Variants in ITFG1 observed in about 807,000 individuals in gnomAD.
The protein encoded by ITFG1 is integrin alpha FG-GAP repeat containing 1, also known as T-cell immunomodulatory protein.
In ITFG1, 34 loss-of-function variants were observed where a neutral mutation model predicts 81.8. The ratio of observed to expected loss-of-function variants is 0.42; its 90% CI spans 0.32 to 0.55. The LOEUF (loss-of-function observed/expected upper bound fraction) is 0.55. Ranked by LOEUF, ITFG1 falls within the 20% of genes least tolerant of loss-of-function variation. The pLI is 0.17. For synonymous variants in ITFG1, 285 were observed against 270.6 expected, an observed-to-expected ratio of 1.05 and a Z score of -0.52; for missense variants, 672 against 755.4, an observed-to-expected ratio of 0.89 and a Z score of 1.29.
intron 8 of ITFG1, among the ~76,000 whole-genome samples, chr16:47,354,371 C>T (rs535649229): frequency 1.3e-4 from 20 of 152,036 alleles, no homozygotes; most frequent in South Asian, 1.2e-3. Flanking sequence ...GAAAGTCAAC[C>T]CCCATTTCTC....
intron 10 of ITFG1, among the ~76,000 whole-genome samples, chr16:47,301,211 C>A (rs1429988206): frequency 6.6e-6 from 1 of 152,006 alleles, no homozygotes; most frequent in African/African-American, 2.4e-5. Flanking sequence ...ACAAAGAGTT[C>A]AAGATGATTC....
chr16:47,248,336 A>C (rs1242042044), intron 12 of ITFG1, among the ~76,000 whole-genome samples: 4 of 152,164 alleles, frequency 2.6e-5, no homozygotes, highest in Non-Finnish European at 4.4e-5. Flanking sequence ...AGCTTTTCTA[A>C]AATACTTTTC....
At chr16:47,289,484 T>C (rs1392108972) in intron 10 of ITFG1, among the ~76,000 whole-genome samples, 1 of 152,164 alleles carries the variant, frequency 6.6e-6, no homozygotes, top group Admixed American at 6.5e-5. Context: ...GTCCTGGGCT[T>C]TTCTTTAATG....
chr16:47,348,791 T>C (rs902895865), intron 8 of ITFG1, among the ~76,000 whole-genome samples: 6 of 151,936 alleles, frequency 3.9e-5, no homozygotes, highest in Non-Finnish European at 5.9e-5. Flanking sequence ...AAGGAAAAAA[T>C]GTTCAGGACA....
Position 47,460,825 on chromosome 16 carries a change from G to C in ITFG1, c.208+13C>G. 2 of 1,612,246 alleles carry C rather than the reference G, an allele frequency of 1.2e-6. No homozygotes were observed. Among genetic ancestry groups the C allele is most frequent in the Non-Finnish European group, 1.7e-6 (2 of 1,179,388 alleles). On this transcript the variant is annotated intron_variant, in intron 1 of 17. Transcript: ENST00000320640. ...CGGACAGCGAACAGAGGGAGGGCCC[G>C]GCAAGCACTGACTTTCCCGCAGCAC...
intron 6 of ITFG1, among the ~76,000 whole-genome samples, chr16:47,410,583 C>T (rs1185725814): frequency 1.3e-5 from 2 of 152,040 alleles, no homozygotes; most frequent in East Asian, 3.9e-4. Flanking sequence ...GACAACAGGT[C>T]TGAAGAGGGA....
chr16:47,332,386 A>G (rs1005803527), intron 8 of ITFG1, among the ~76,000 whole-genome samples: 1 of 152,138 alleles, frequency 6.6e-6, no homozygotes, highest in Non-Finnish European at 1.5e-5. Flanking sequence ...AAGGTGCACA[A>G]GGAATTCTAT....
chr16:47,440,760 T>C lies in ITFG1; in HGVS notation c.560+10636A>G, dbSNP rs555466950. Among the ~76,000 whole-genome samples the C allele has an allele frequency of 3.0e-4, 45 of 151,914 alleles. No homozygotes were observed. The South Asian group carries it at 6.5e-3, about 22-fold the overall frequency. ...GAAAGATCTAAAATTGACACCCTAA[T>C]ATCACAATTAAAAGAACTAGAGAAG... On this transcript the variant is annotated intron_variant, in intron 5 of 17. Coordinates refer to ENST00000320640, the MANE Select transcript of ITFG1 (RefSeq NM_030790.5).
At chr16:47,321,944 C>T (rs896510243) in intron 8 of ITFG1, among the ~76,000 whole-genome samples, 11 of 152,092 alleles carry the variant, frequency 7.2e-5, no homozygotes, top group South Asian at 2.1e-4. Context: ...GTATCATCTA[C>T]ATTACTATGT....
chr16:47,163,045 C>T (rs1487679108), intron 14 of ITFG1, among the ~76,000 whole-genome samples: 1 of 152,098 alleles, frequency 6.6e-6, no homozygotes, highest in African/African-American at 2.4e-5. Flanking sequence ...CAAGTGATCC[C>T]CCTGCCTCGG....
At position 47,421,291 on chromosome 16, in the gene ITFG1, CACACACACACACACAT is replaced by C. The variant is rs112803385; in HGVS notation, c.655+7497_655+7512del. On this transcript the variant is annotated intron_variant, in intron 6 of 17. Transcript: ENST00000320640. Reference sequence around the variant, plus strand: ...ATATGCACACACACACACACACACACACACACACACACACATACATATTTTTTTTTTCTGAGATGGA... The same window carrying C: ...ATATGCACACACACACACACACACACACATATTTTTTTTTTCTGAGATGGA... Among the ~76,000 whole-genome samples the C allele has an allele frequency of 5.2e-3, 779 of 150,932 alleles. 10 individuals carry two copies. Among genetic ancestry groups the C allele is most frequent in the African/African-American group, 0.018 (741 of 40,660 alleles).
At chr16:47,266,064 A>AT (rs1163721438) in intron 10 of ITFG1, among the ~76,000 whole-genome samples, 1 of 152,322 alleles carries the variant, frequency 6.6e-6, no homozygotes, top group East Asian at 1.9e-4. Flanking sequence ...CTGAACAGAC[A>AT]TTTTTTCAAG....
At chr16:47,350,701 C>T (rs1317904012) in intron 8 of ITFG1, among the ~76,000 whole-genome samples, 2 of 152,188 alleles carry the variant, frequency 1.3e-5, no homozygotes, top group Admixed American at 1.3e-4. Context: ...GGAATCCTCC[C>T]TAACTCATTT....
intron 6 of ITFG1, among the ~76,000 whole-genome samples, chr16:47,420,237 A>AT (rs548667354): frequency 9.2e-5 from 14 of 151,908 alleles, no homozygotes; most frequent in Admixed American, 5.9e-4. Context: ...AAATTAGTTG[A>AT]TTTTTTTTAT....
intron 10 of ITFG1, among the ~76,000 whole-genome samples, chr16:47,307,100 A>C (rs1362421590): frequency 7.0e-6 from 1 of 142,322 alleles, no homozygotes. Flanking sequence ...TCTCAAAAAA[A>C]AAAAAAAAAA....
At chr16:47,381,100 C>T (rs1018374033) in intron 6 of ITFG1, among the ~76,000 whole-genome samples, 6 of 152,194 alleles carry the variant, frequency 3.9e-5, no homozygotes, top group African/African-American at 1.2e-4. Flanking sequence ...TTGTCAACTG[C>T]AGCTTAGCCT....
chr16:47,325,914 A>C (rs1194242473), intron 8 of ITFG1, among the ~76,000 whole-genome samples: 3 of 152,066 alleles, frequency 2.0e-5, no homozygotes, highest in African/African-American at 7.2e-5. Flanking sequence ...AGCTGGTACC[A>C]CTCCTTATGA....
chr16:47,200,477 A>C (rs556566251), intron 14 of ITFG1, among the ~76,000 whole-genome samples: 1 of 152,314 alleles, frequency 6.6e-6, no homozygotes, highest in Admixed American at 6.5e-5. Context: ...TAGTAACAAC[A>C]ACAGAAGTTT....
intron 5 of ITFG1, among the ~76,000 whole-genome samples, 158 bp downstream of exon 5, chr16:47,451,238 G>A (rs1486013268): frequency 6.6e-6 from 1 of 152,098 alleles, no homozygotes; most frequent in Non-Finnish European, 1.5e-5. Context: ...GCAGGTGCAG[G>A]CCAAATCCAA....
Sources: gnomAD v4.1 joint callset for allele counts (sites outside exome capture counted in the v4.1 genomes callset) on GRCh38, gnomAD v4.1.1 for gene constraint, MANE v1.5 for transcripts, NCBI Gene and HGNC (gene_info 2026-07-23, HGNC 2026-07-21) for gene names.